Variants in GABRG3 observed in about 807,000 individuals in gnomAD.
GABRG3 encodes gamma-aminobutyric acid receptor subunit gamma-3.
In GABRG3, 25 loss-of-function variants were observed where a neutral mutation model predicts 48.8. The observed-to-expected ratio is 0.51, with a 90% CI of 0.37 to 0.72. The LOEUF (loss-of-function observed/expected upper bound fraction) is 0.72. Ranked by LOEUF, GABRG3 falls within the 30% of genes least tolerant of loss-of-function variation. GABRG3 has a pLI of 0.00. For missense variants in GABRG3, 394 were observed against 577.9 expected (o/e 0.68, Z 3.26); for synonymous variants, 227 against 217.6 (o/e 1.04, Z -0.38).
At chr15:27,025,666 C>T (rs1024273374) in intron 2 of GABRG3, among the ~76,000 whole-genome samples, 4 of 152,096 alleles carry the variant, frequency 2.6e-5, no homozygotes, top group Non-Finnish European at 4.4e-5. Flanking sequence ...TTTACGAGAC[C>T]GAGAGCTCAG....
chr15:27,221,974 T>C (rs1889468280), intron 3 of GABRG3, among the ~76,000 whole-genome samples: 1 of 152,226 alleles, frequency 6.6e-6, no homozygotes, highest in Non-Finnish European at 1.5e-5. Context: ...GCTTTTGGTT[T>C]TCCTGAGCTG....
chr15:27,266,969 A>G (rs531061032), intron 3 of GABRG3, among the ~76,000 whole-genome samples: 1 of 152,060 alleles, frequency 6.6e-6, no homozygotes, highest in South Asian at 2.1e-4. Context: ...TGCCCAATCT[A>G]TATGTCTTCT....
At chr15:27,461,653 T>A (rs916838095) in intron 5 of GABRG3, among the ~76,000 whole-genome samples, 2 of 152,198 alleles carry the variant, frequency 1.3e-5, no homozygotes, top group Admixed American at 1.3e-4. Flanking sequence ...GAGAGCTGAT[T>A]GGTCCATTTT....
intron 2 of GABRG3, among the ~76,000 whole-genome samples, chr15:26,994,134 T>C (rs865859003): frequency 1.3e-5 from 2 of 151,992 alleles, no homozygotes; most frequent in South Asian, 2.1e-4. Context: ...GATCAGATCA[T>C]TGGGTCTTTT....
chr15:27,114,344 A>G (rs1430882490), intron 3 of GABRG3, among the ~76,000 whole-genome samples: 1 of 152,204 alleles, frequency 6.6e-6, no homozygotes. Flanking sequence ...TGTTTAAGCT[A>G]TAATACATCA....
chr15:27,172,869 G>A (rs565979078), intron 3 of GABRG3, among the ~76,000 whole-genome samples: 2 of 152,102 alleles, frequency 1.3e-5, no homozygotes, highest in Non-Finnish European at 2.9e-5. Flanking sequence ...CATCGTCCAG[G>A]TCTGTTCACC....
chr15:27,182,816 T>G (rs1887974362), intron 3 of GABRG3, among the ~76,000 whole-genome samples: 2 of 152,140 alleles, frequency 1.3e-5, no homozygotes, highest in South Asian at 2.1e-4. Context: ...AATGACCTAA[T>G]GAACAGGATG....
chr15:27,111,467 T>A (rs1897547798), intron 3 of GABRG3, among the ~76,000 whole-genome samples: 1 of 152,156 alleles, frequency 6.6e-6, no homozygotes, highest in African/African-American at 2.4e-5. Context: ...CCAGACATGA[T>A]GTGTTGGGTA....
chr15:27,345,284 C>A (rs1423703087), intron 5 of GABRG3, among the ~76,000 whole-genome samples: 2 of 152,104 alleles, frequency 1.3e-5, no homozygotes, highest in African/African-American at 4.8e-5. Flanking sequence ...ATTTTTTAAC[C>A]TTTTCTGGTT....
chr15:27,180,989 G>T lies in GABRG3; in HGVS notation c.271-145820G>T, dbSNP rs1887912190. Among the ~76,000 whole-genome samples the T allele has an allele frequency of 6.6e-6, 1 of 152,130 alleles. No individual in the cohort carries two copies. Among genetic ancestry groups the T allele is most frequent in the Non-Finnish European group, 1.5e-5 (1 of 68,028 alleles). On this transcript the variant is annotated intron_variant, in intron 3 of 9. Coordinates refer to ENST00000615808, the MANE Select transcript of GABRG3 (RefSeq NM_033223.5). This position sits in a 1 kb window ranked among gnomAD's most constrained non-coding sequence, Gnocchi z 4.2. ...CTGAATTGTGCTGACTTCTTAGGAG[G>T]GCCGTAGTTCACAACTTCATGAGAT...
intron 3 of GABRG3, among the ~76,000 whole-genome samples, chr15:27,063,046 C>T (rs998822946): frequency 3.1e-4 from 47 of 152,092 alleles, no homozygotes; most frequent in African/African-American, 1.1e-3. Flanking sequence ...CAGCAGGTGA[C>T]GCGTGATGCG....
intron 3 of GABRG3, among the ~76,000 whole-genome samples, chr15:27,196,262 G>C (rs1888493099): frequency 6.6e-6 from 1 of 151,990 alleles, no homozygotes; most frequent in South Asian, 2.1e-4. Flanking sequence ...ACCAGTGTTA[G>C]GCATCCTTCA....
chr15:27,313,649 A>G (rs1893108578), intron 3 of GABRG3, among the ~76,000 whole-genome samples: 1 of 151,960 alleles, frequency 6.6e-6, no homozygotes, highest in African/African-American at 2.4e-5. Context: ...TCCAAACACA[A>G]TGAAATGAAG....
intron 2 of GABRG3, among the ~76,000 whole-genome samples, chr15:26,988,582 T>A (rs11637860): frequency 0.29 from 44,703 of 151,910 alleles, 7,261 homozygotes; most frequent in Non-Finnish European, 0.38. Flanking sequence ...TTGCCTTTAA[T>A]AAAAAAGCCC....
At chr15:26,994,877 C>CG (rs1480410118) in intron 2 of GABRG3, among the ~76,000 whole-genome samples, 4 of 152,010 alleles carry the variant, frequency 2.6e-5, no homozygotes, top group Non-Finnish European at 4.4e-5. Context: ...TTAGCATAAG[C>CG]CATGCTCCGT....
At chr15:27,152,960 A>T (rs1898346770) in intron 3 of GABRG3, among the ~76,000 whole-genome samples, 1 of 150,136 alleles carries the variant, frequency 6.7e-6, no homozygotes, top group African/African-American at 2.5e-5. Flanking sequence ...TCCCGGGTTC[A>T]CGCCGTTCTC....
rs777606546 is a variant in GABRG3 at position 27,520,064 on chromosome 15, G to C, written c.805G>C (p.Val269Leu). ...ATACATTCCCTGTATACTGACTGTG[G>C]TTTTATCCTGGGTGTCATTTTGGAT... ...QTYIPCILTV[V>L]LSWVSFWIKK... Residue 269 changes from valine to leucine, a missense_variant, in exon 7 of 10, where the codon GTT (valine) becomes CTT (leucine). Val to Leu is a conservative substitution (Grantham distance 32). Around this residue, in one of 3 missense-constraint regions of GABRG3, gnomAD observed 50 missense variants for 112.5 expected, o/e 0.44. Coordinates refer to ENST00000615808, the MANE Select transcript of GABRG3 (RefSeq NM_033223.5). 1 of 1,603,554 alleles carries C rather than the reference G, an allele frequency of 6.2e-7. No homozygotes were observed. Among genetic ancestry groups the C allele is most frequent in the South Asian group, 1.1e-5 (1 of 88,958 alleles).
intron 5 of GABRG3, among the ~76,000 whole-genome samples, chr15:27,375,226 G>C (rs1160893839): frequency 6.6e-6 from 1 of 152,128 alleles, no homozygotes; most frequent in East Asian, 1.9e-4. Context: ...ATGCTGGGAA[G>C]GGACAAGAAA....
At chr15:27,141,723 C>T (rs773087142) in intron 3 of GABRG3, among the ~76,000 whole-genome samples, 1 of 152,174 alleles carries the variant, frequency 6.6e-6, no homozygotes, top group Non-Finnish European at 1.5e-5. Flanking sequence ...TGATCCTGCT[C>T]ATCCTGAACA....
Sources: allele counts gnomAD v4.1 joint callset (sites outside exome capture counted in the v4.1 genomes callset), GRCh38; gene constraint gnomAD v4.1.1; regional missense constraint gnomAD v4.1.1; non-coding constraint Gnocchi (gnomAD v3.1); transcripts MANE v1.5; gene names NCBI Gene and HGNC (gene_info 2026-07-23, HGNC 2026-07-21).